The following UXS1 variants were observed in gnomAD, a reference collection of about 807,000 sequenced individuals.
UXS1 encodes the protein UDP-glucuronate decarboxylase 1, also known as UDP-glucuronic acid decarboxylase 1.
UXS1 carries 33 observed loss-of-function variants against 62.6 expected under a neutral mutation model. The ratio of observed to expected loss-of-function variants is 0.53; its 90% CI spans 0.40 to 0.70. The LOEUF is 0.70. Ranked by LOEUF, UXS1 falls within the 30% of genes least tolerant of loss-of-function variation. UXS1 has a pLI of 0.00. For missense variants in UXS1, 434 were observed against 556.3 expected (o/e 0.78, Z 2.21); for synonymous variants, 213 against 206.8 (o/e 1.03, Z -0.26).
intron 4 of UXS1, among the ~76,000 whole-genome samples, chr2:106,161,317 GCTGGGCTCGAACTC>G (rs911807307): frequency 5.9e-5 from 9 of 152,068 alleles, no homozygotes; most frequent in Non-Finnish European, 1.0e-4. Flanking sequence ...TGTTGCCCAG[GCTGGGCTCGAACTC>G]CTGGGCTCAA....
At chr2:106,174,623 TG>T (rs1423360732) in intron 1 of UXS1, among the ~76,000 whole-genome samples, 90 of 152,266 alleles carry the variant, frequency 5.9e-4, no homozygotes, top group Non-Finnish European at 8.8e-5. Context: ...AGGGCCTGTG[TG>T]GGGCGCACGT....
chr2:106,142,910 TG>T (rs1681236220), intron 6 of UXS1, among the ~76,000 whole-genome samples: 1 of 135,382 alleles, frequency 7.4e-6, no homozygotes, highest in African/African-American at 2.7e-5. Context: ...TGTGGGTGTG[TG>T]TGTTTGCATG....
At chr2:106,116,410 C>T (rs1220455295) in intron 9 of UXS1, among the ~76,000 whole-genome samples, 1 of 152,192 alleles carries the variant, frequency 6.6e-6, no homozygotes, top group African/African-American at 2.4e-5. Context: ...AGGACTTCTA[C>T]AACTCGAGAT....
intron 10 of UXS1, among the ~76,000 whole-genome samples, chr2:106,110,659 C>T (rs1418503409): frequency 2.0e-5 from 3 of 152,134 alleles, no homozygotes; most frequent in African/African-American, 2.4e-5. Flanking sequence ...TAAAGGAAAG[C>T]GGCCACTACA....
Position 106,145,270 on chromosome 2 carries a change from T to G in UXS1, c.392A>C (p.Lys131Thr). 1 of 1,613,892 alleles carries G rather than the reference T, an allele frequency of 6.2e-7. No homozygotes were observed. The part of the protein sequence containing the change: ...TVVDNFFTGR[K>T]RNVEHWIGHE... ...TCCGATCCAGTGCTCCACGTTTCTC[T>G]TCCTGCCCGTGAAGAAATTGTCCAC... is the stretch of plus-strand genomic sequence containing the variant. Residue 131 changes from lysine (K) to threonine (T), a missense_variant, in exon 6 of 15, where the codon AAG becomes ACG. This residue lies in a region of UXS1 where 134 missense variants were observed against 251.9 expected (regional missense o/e 0.53). Transcript: ENST00000283148.
intron 10 of UXS1, among the ~76,000 whole-genome samples, chr2:106,111,836 C>T (rs1430285273): frequency 2.6e-5 from 4 of 152,144 alleles, no homozygotes; most frequent in Admixed American, 2.0e-4. Context: ...CAAATCGACT[C>T]GAGTCCCACA....
Position 106,158,067 on chromosome 2 carries a change from T to C in UXS1, c.282A>G (p.Lys94=), listed in dbSNP as rs1241956446. ...AGGTGTGCAAACTTACCAAAATTCTTTTCCGATCCTTTTCTGATAAAAACT... is the reference window on the plus strand; with the variant it reads ...AGGTGTGCAAACTTACCAAAATTCTCTTCCGATCCTTTTCTGATAAAAACT... ...PVKFLSEKDR[K]RILITGGAGF... The change falls in exon 5 of 15, where the codon AAA becomes AAG. Residue 94 remains lysine (K), a synonymous_variant. Coordinates refer to ENST00000283148, the MANE Select transcript of UXS1 (RefSeq NM_001253875.2). The C allele has an allele frequency of 6.4e-7, 1 of 1,565,178 alleles. No individual in the cohort carries two copies.
intron 9 of UXS1, among the ~76,000 whole-genome samples, chr2:106,114,449 C>T (rs1052047992): frequency 6.6e-6 from 1 of 152,110 alleles, no homozygotes; most frequent in African/African-American, 2.4e-5. Flanking sequence ...CTCAGAAGTA[C>T]CCACTTGCAT....
At chr2:106,138,586 C>A in intron 6 of UXS1, 1 of 985,520 alleles carries the variant, frequency 1.0e-6, no homozygotes, top group South Asian at 4.7e-5. Context: ...CAGGGCTCCA[C>A]AAAAGTTAGC....
rs530493734 is a variant in UXS1, at chr2:106,146,868, A to AT, written c.292-1499dup. 3.7e-4 allele frequency among the ~76,000 whole-genome samples: 56 copies of AT among 151,760 alleles called. 1 individual carries two copies. In the East Asian group the frequency reaches 9.8e-3, roughly 26 times the overall value. On this transcript the variant is annotated intron_variant, in intron 5 of 14. Coordinates refer to ENST00000283148, the MANE Select transcript of UXS1 (RefSeq NM_001253875.2). The stretch of plus-strand genomic sequence containing the variant: ...GGGGAGGCTATAAACTAAAAATGAA[A>AT]TTTGGGTTGGGTGCAGTGGCTCATG...
At position 106,194,264 on chromosome 2, in the gene UXS1, G is replaced by A. The variant is rs748825949; in HGVS notation, c.-23C>T. 5 of 1,324,208 alleles carry A rather than the reference G, an allele frequency of 3.8e-6. No individual in the cohort carries two copies. Among genetic ancestry groups the A allele is most frequent in the South Asian group, 3.3e-5 (2 of 59,870 alleles). 82.0% of individuals were successfully genotyped at this position (1,324,208 alleles called of 1,614,324 possible). ...CATCCCCGGGAGCCGCGCGGGTCCA[G>A]GGCCCTACCGCGCGGGGGCCCGCCT... On this transcript the variant is annotated 5_prime_UTR_variant, in exon 1 of 15. Coordinates refer to ENST00000283148, the MANE Select transcript of UXS1 (RefSeq NM_001253875.2).
rs185313515 is a variant in UXS1, at chr2:106,169,121, C to A, written c.95-3038G>T. 9.2e-5 allele frequency among the ~76,000 whole-genome samples: 14 copies of A among 152,338 alleles called. No individual in the cohort carries two copies. In the East Asian group the frequency reaches 2.5e-3, roughly 27 times the overall value. Reference sequence around the variant, plus strand: ...GTCAGTCCTCAGCTCGGACACCACGCACTGCTGCCACCAGAGTCCACAAAG... The same window carrying A: ...GTCAGTCCTCAGCTCGGACACCACGAACTGCTGCCACCAGAGTCCACAAAG... On this transcript the variant is annotated intron_variant, in intron 1 of 14. Coordinates refer to ENST00000283148, the MANE Select transcript of UXS1 (RefSeq NM_001253875.2).
chr2:106,123,814 A>G (rs1386080639), intron 8 of UXS1, among the ~76,000 whole-genome samples: 1 of 152,268 alleles, frequency 6.6e-6, no homozygotes, highest in Non-Finnish European at 1.5e-5. Context: ...AATTTTATAC[A>G]TACTTGAGTA....
At chr2:106,126,568 T>C (rs959464002) in intron 7 of UXS1, among the ~76,000 whole-genome samples, 1 of 152,034 alleles carries the variant, frequency 6.6e-6, no homozygotes, top group African/African-American at 2.4e-5. Flanking sequence ...GGTGGGGTGG[T>C]AGGATTCTAG....
intron 1 of UXS1, among the ~76,000 whole-genome samples, chr2:106,181,627 G>C (rs550604629): frequency 6.6e-5 from 10 of 152,272 alleles, no homozygotes; most frequent in African/African-American, 2.4e-4. Flanking sequence ...TGAGGCACCA[G>C]AATCACTTGA....
In UXS1 at chr2:106,184,065, G is replaced by A. The variant is rs778554505; in HGVS notation, c.94+10083C>T. On this transcript the variant is annotated intron_variant, in intron 1 of 14. Coordinates refer to ENST00000283148, the MANE Select transcript of UXS1 (RefSeq NM_001253875.2). The stretch of plus-strand genomic sequence containing the variant: ...AAATTAGCCGGGCGTGGTGGCGCAC[G>A]CTTGTGATCCCAGCTACTCAGGAGG... Among the ~76,000 whole-genome samples the A allele has an allele frequency of 1.2e-4, 18 of 152,212 alleles. No homozygotes were observed. In the South Asian group the frequency reaches 1.2e-3, roughly 11 times the overall value.
chr2:106,117,957 G>T (rs1485149202), intron 9 of UXS1, among the ~76,000 whole-genome samples: 1 of 152,234 alleles, frequency 6.6e-6, no homozygotes, highest in East Asian at 1.9e-4. Flanking sequence ...GGGTGTGTCT[G>T]CATCTGTTTG....
intron 1 of UXS1, among the ~76,000 whole-genome samples, chr2:106,179,050 A>T (rs1433411075): frequency 2.0e-5 from 3 of 152,132 alleles, no homozygotes; most frequent in Non-Finnish European, 4.4e-5. Context: ...TCTGTGCAGC[A>T]AAGCCCTGCA....
chr2:106,142,837 A>G (rs897470422), intron 6 of UXS1, among the ~76,000 whole-genome samples: 12 of 152,138 alleles, frequency 7.9e-5, no homozygotes, highest in Admixed American at 7.2e-4. Flanking sequence ...AGGGAACGCA[A>G]TACTCTGAGC....
Sources: gnomAD v4.1 joint callset for allele counts (sites outside exome capture counted in the v4.1 genomes callset) on GRCh38, gnomAD v4.1.1 for gene constraint, gnomAD v4.1.1 regional missense constraint, MANE v1.5 for transcripts, NCBI Gene and HGNC (gene_info 2026-07-23, HGNC 2026-07-21) for gene names.